Variants in TENM4 observed in about 807,000 individuals in gnomAD.
TENM4 encodes the protein teneurin transmembrane protein 4.
Under a neutral mutation model 243.3 loss-of-function variants are expected in TENM4, and 82 were observed. The observed-to-expected ratio is 0.34, with a 90% CI of 0.28 to 0.40. The LOEUF is 0.40. TENM4 is among the 10% of genes least tolerant of loss of function. The probability of loss-of-function intolerance (pLI) is 1.00; values close to 1 mark genes in which losing one functional copy is unlikely to be tolerated. For missense variants in TENM4, 3,138 were observed against 3,673.3 expected (o/e 0.85, Z 3.77); for synonymous variants, 1,412 against 1,456.3 (o/e 0.97, Z 0.69).
chr11:78,938,488 T>A (rs1856830658), intron 6 of TENM4, among the ~76,000 whole-genome samples: 1 of 152,202 alleles, frequency 6.6e-6, no homozygotes, highest in African/African-American at 2.4e-5. Context: ...ATCAACAAAG[T>A]ATAGGCTCCG....
At chr11:78,950,774 A>C (rs1857094235) in intron 6 of TENM4, among the ~76,000 whole-genome samples, 1 of 152,244 alleles carries the variant, frequency 6.6e-6, no homozygotes, top group Non-Finnish European at 1.5e-5. Flanking sequence ...TTTACACATA[A>C]GGGAAAAATG....
intron 1 of TENM4, among the ~76,000 whole-genome samples, chr11:79,321,381 C>T (rs1423603738): frequency 1.3e-5 from 2 of 152,172 alleles, no homozygotes; most frequent in African/African-American, 2.4e-5. Flanking sequence ...TAATGCTTCT[C>T]CTCAGAGCAT....
intron 1 of TENM4, among the ~76,000 whole-genome samples, chr11:79,437,386 G>T (rs780683593): frequency 2.6e-5 from 4 of 152,202 alleles, no homozygotes; most frequent in African/African-American, 4.8e-5. Context: ...CTGTGAGTCC[G>T]CAGGAACGCG....
At chr11:78,687,363 A>C (rs1858710568) in intron 29 of TENM4, among the ~76,000 whole-genome samples, 1 of 152,154 alleles carries the variant, frequency 6.6e-6, no homozygotes, top group Non-Finnish European at 1.5e-5. Flanking sequence ...TTCGTGTGAA[A>C]GCCTTTGGAG....
chr11:78,698,659 C>T (rs963805105), intron 28 of TENM4, among the ~76,000 whole-genome samples: 1 of 152,050 alleles, frequency 6.6e-6, no homozygotes, highest in African/African-American at 2.4e-5. Context: ...TTCTAGACAG[C>T]CTCATAGTTT....
At chr11:79,416,541 TAA>T (rs996705423) in intron 1 of TENM4, among the ~76,000 whole-genome samples, 10 of 152,194 alleles carry the variant, frequency 6.6e-5, no homozygotes, top group Admixed American at 3.3e-4. Context: ...AAAAATTTGG[TAA>T]AATTAACATT....
rs545255399 is a variant in TENM4 at position 79,224,334 on chromosome 11, C to T, written c.-264-8425G>A. On this transcript the variant is annotated intron_variant, in intron 2 of 33. Coordinates refer to ENST00000278550, the MANE Select transcript of TENM4 (RefSeq NM_001098816.3). Reference sequence around the variant, plus strand: ...GCCGAGTTAGTCATCGTTCCAGACCCGGTTTCTTCCCTTGAGGAGACCAGA... The same window carrying T: ...GCCGAGTTAGTCATCGTTCCAGACCTGGTTTCTTCCCTTGAGGAGACCAGA... Among the ~76,000 whole-genome samples, 4 of 152,232 alleles carry T rather than the reference C, an allele frequency of 2.6e-5. No individual in the cohort carries two copies. The South Asian group carries it at 6.2e-4, about 24-fold the overall frequency.
intron 4 of TENM4, among the ~76,000 whole-genome samples, chr11:79,133,875 C>T (rs1007461029): frequency 6.6e-6 from 1 of 152,070 alleles, no homozygotes; most frequent in Non-Finnish European, 1.5e-5. Context: ...CTATGACAAA[C>T]CCACAGACAA....
chr11:78,761,364 C>T (rs1206913268), intron 18 of TENM4, among the ~76,000 whole-genome samples: 1 of 152,194 alleles, frequency 6.6e-6, no homozygotes, highest in African/African-American at 2.4e-5. Context: ...CTCAGCCTCC[C>T]GTGTAGCTGG....
chr11:78,829,233 C>T (rs1402633702), intron 12 of TENM4, among the ~76,000 whole-genome samples: 1 of 152,192 alleles, frequency 6.6e-6, no homozygotes, highest in African/African-American at 2.4e-5. Context: ...CCCCTCAGTT[C>T]AGGGGTGGAT....
intron 6 of TENM4, among the ~76,000 whole-genome samples, chr11:78,959,786 A>G (rs533402662): frequency 6.6e-6 from 1 of 152,282 alleles, no homozygotes; most frequent in South Asian, 2.1e-4. Context: ...TAATGCAATA[A>G]TGTCATCAAT....
chr11:79,208,995 G>A (rs1863903037), intron 3 of TENM4, among the ~76,000 whole-genome samples: 1 of 151,934 alleles, frequency 6.6e-6, no homozygotes, highest in African/African-American at 2.4e-5. Flanking sequence ...CAGTGGCTTT[G>A]GATAAACTGA....
At chr11:79,276,930 A>G (rs891262208) in intron 2 of TENM4, among the ~76,000 whole-genome samples, 1 of 151,806 alleles carries the variant, frequency 6.6e-6, no homozygotes, top group Admixed American at 6.6e-5. Context: ...CTGCTGCCTC[A>G]GGAAAGGGCT....
chr11:79,015,378 C>T (rs369407010), intron 6 of TENM4, among the ~76,000 whole-genome samples: 3 of 152,084 alleles, frequency 2.0e-5, no homozygotes, highest in Non-Finnish European at 2.9e-5. Context: ...TCCTTAGGTA[C>T]GAGGAATGCT....
chr11:78,916,546 T>C (rs1856320617), intron 6 of TENM4, among the ~76,000 whole-genome samples: 1 of 152,164 alleles, frequency 6.6e-6, no homozygotes, highest in Admixed American at 6.5e-5. Context: ...AAAAAATAAA[T>C]ATTTATTTTT....
intron 6 of TENM4, among the ~76,000 whole-genome samples, chr11:78,959,677 C>A (rs1360046055): frequency 6.6e-6 from 1 of 151,994 alleles, no homozygotes; most frequent in Non-Finnish European, 1.5e-5. Flanking sequence ...GGGAAGGGAT[C>A]CAAAGTGACA....
intron 1 of TENM4, among the ~76,000 whole-genome samples, chr11:79,409,140 G>A (rs1858644215): frequency 6.6e-6 from 1 of 150,892 alleles, no homozygotes; most frequent in African/African-American, 2.4e-5. Context: ...GCACATGCGT[G>A]AGAGTTAGTG....
chr11:78,843,763 G>A (rs1338055186), intron 12 of TENM4, among the ~76,000 whole-genome samples: 1 of 152,182 alleles, frequency 6.6e-6, no homozygotes, highest in African/African-American at 2.4e-5. Context: ...AGGAGTACTG[G>A]CAAAGAAAGA....
chr11:79,185,785 T>A (rs1863370674), intron 3 of TENM4, among the ~76,000 whole-genome samples: 1 of 152,134 alleles, frequency 6.6e-6, no homozygotes, highest in African/African-American at 2.4e-5. Context: ...AAGAAAAACA[T>A]CATTTACCCT....
Sources: gnomAD v4.1 joint callset for allele counts (sites outside exome capture counted in the v4.1 genomes callset) on GRCh38, gnomAD v4.1.1 for gene constraint, MANE v1.5 for transcripts, NCBI Gene and HGNC (gene_info 2026-07-23, HGNC 2026-07-21) for gene names.